The following XKR6 variants were observed in gnomAD, a reference collection of about 807,000 sequenced individuals.
XKR6 encodes XK related 6, also known as XK-related protein 6.
A neutral mutation model predicts 56.7 loss-of-function variants in XKR6; 22 were observed. That is an observed-to-expected ratio of 0.39 (90% confidence interval 0.28 to 0.55). The LOEUF is 0.55. Ranked by LOEUF, XKR6 falls within the 20% of genes least tolerant of loss-of-function variation. The probability of loss-of-function intolerance (pLI) is 0.66; values close to 1 mark genes in which losing one functional copy is unlikely to be tolerated. For missense variants in XKR6, 852 were observed against 889.0 expected (o/e 0.96, Z 0.53); for synonymous variants, 524 against 387.8 (o/e 1.35, Z -4.13).
At position 10,898,526 on chromosome 8, in the gene XKR6, G is replaced by A. The variant is rs1563276122; in HGVS notation, c.1352C>T (p.Thr451Ile). 1 of 1,614,052 alleles carries A rather than the reference G, an allele frequency of 6.2e-7. No individual in the cohort carries two copies. Among genetic ancestry groups the A allele is most frequent in the Admixed American group, 1.7e-5 (1 of 60,012 alleles). ...AAGGAACGTCAAGGCAGCATTCTCG[G>A]TCAAGACTATCGTATAATATGCAAA... ...RMFAYYTIVL[T>I]ENAALTFLWY... Residue 451 changes from threonine (T) to isoleucine (I), a missense_variant, in exon 3 of 3, where the codon ACC (threonine) becomes ATC (isoleucine). Thr to Ile is a moderately conservative substitution (Grantham distance 89, BLOSUM62 -1). Around this residue, in one of 4 missense-constraint regions of XKR6, gnomAD observed 197 missense variants for 190.9 expected, o/e 1.03. Coordinates refer to ENST00000416569, the MANE Select transcript of XKR6 (RefSeq NM_173683.4). This position sits in a 1 kb window ranked among gnomAD's most constrained non-coding sequence, Gnocchi z 6.6.
intron 1 of XKR6, among the ~76,000 whole-genome samples, chr8:11,160,636 G>A (rs184842945): frequency 6.3e-4 from 96 of 152,220 alleles, no homozygotes; most frequent in African/African-American, 2.1e-3. Context: ...CAGGCTGGGC[G>A]TGGTGGCTCA....
intron 1 of XKR6, among the ~76,000 whole-genome samples, chr8:10,954,326 T>C (rs181944132): frequency 3.9e-5 from 6 of 152,368 alleles, no homozygotes; most frequent in Non-Finnish European, 7.3e-5. Flanking sequence ...TTGTCAACAC[T>C]TGTTATTGTC....
At chr8:10,947,991 C>T (rs148856803) in intron 1 of XKR6, among the ~76,000 whole-genome samples, 68 of 152,244 alleles carry the variant, frequency 4.5e-4, no homozygotes, top group East Asian at 2.5e-3. Context: ...CTTTCAAAGT[C>T]GTGTAGCGAA....
chr8:11,039,972 A>C (rs1303375036), intron 1 of XKR6, among the ~76,000 whole-genome samples: 2 of 152,114 alleles, frequency 1.3e-5, no homozygotes, highest in Non-Finnish European at 2.9e-5. Context: ...TATTTATGCC[A>C]CCCGGCTGGG....
At chr8:10,962,848 C>G (rs913387934) in intron 1 of XKR6, among the ~76,000 whole-genome samples, 3 of 152,162 alleles carry the variant, frequency 2.0e-5, no homozygotes, top group African/African-American at 7.2e-5. Flanking sequence ...GTCTCGAACT[C>G]CTGACCTCAG....
chr8:11,045,383 T>A (rs1374714071), intron 1 of XKR6, among the ~76,000 whole-genome samples: 3 of 152,130 alleles, frequency 2.0e-5, no homozygotes, highest in African/African-American at 7.2e-5. Flanking sequence ...CCACTGTGCA[T>A]GGCCTCAAGC....
At chr8:11,034,936 C>T (rs73662680) in intron 1 of XKR6, among the ~76,000 whole-genome samples, 4,266 of 152,298 alleles carry the variant, frequency 0.028, 206 homozygotes, top group African/African-American at 0.097. Context: ...CTAGCCAAAC[C>T]CTGAGAGGCC....
chr8:11,118,423 G>A (rs1312556259), intron 1 of XKR6, among the ~76,000 whole-genome samples: 1 of 152,216 alleles, frequency 6.6e-6, no homozygotes, highest in African/African-American at 2.4e-5. Flanking sequence ...ATTCATCTGT[G>A]AAACCCTCTG....
At chr8:11,004,432 G>A (rs910833717) in intron 1 of XKR6, among the ~76,000 whole-genome samples, 6 of 152,194 alleles carry the variant, frequency 3.9e-5, no homozygotes, top group African/African-American at 7.2e-5. Context: ...AGATCATGAC[G>A]CCACTGCACT....
At chr8:11,116,560 G>A (rs537707616) in intron 1 of XKR6, among the ~76,000 whole-genome samples, 4 of 152,152 alleles carry the variant, frequency 2.6e-5, no homozygotes, top group Non-Finnish European at 4.4e-5. Context: ...TAGTAGAGAC[G>A]GGGTTTCTCC....
intron 1 of XKR6, among the ~76,000 whole-genome samples, chr8:11,052,777 T>A (rs1234498464): frequency 7.8e-6 from 1 of 128,002 alleles, no homozygotes; most frequent in Non-Finnish European, 1.6e-5. Flanking sequence ...AGCAGCACAC[T>A]CCGGGAAAGC....
chr8:11,096,434 C>T (rs1420054474), intron 1 of XKR6, among the ~76,000 whole-genome samples: 1 of 152,160 alleles, frequency 6.6e-6, no homozygotes, highest in Non-Finnish European at 1.5e-5. Context: ...TTTACAGTTT[C>T]CTTTAATTTC....
chr8:10,958,540 A>G (rs4434585), intron 1 of XKR6, among the ~76,000 whole-genome samples: 27,782 of 152,120 alleles, frequency 0.18, 3,389 homozygotes, highest in African/African-American at 0.35. Context: ...TCATCACCCG[A>G]GACATGGCAT....
intron 1 of XKR6, among the ~76,000 whole-genome samples, chr8:10,993,955 T>A (rs894334779): frequency 2.0e-5 from 3 of 152,224 alleles, no homozygotes; most frequent in African/African-American, 7.2e-5. Context: ...AGCAAACCTC[T>A]GTGCCCACCA....
At chr8:10,954,625 T>A (rs944187202) in intron 1 of XKR6, among the ~76,000 whole-genome samples, 1 of 152,218 alleles carries the variant, frequency 6.6e-6, no homozygotes, top group African/African-American at 2.4e-5. Context: ...ACTTTCCTGA[T>A]GGTGTCCTCT....
intron 1 of XKR6, among the ~76,000 whole-genome samples, chr8:11,091,789 G>A (rs915961839): frequency 6.6e-6 from 1 of 152,148 alleles, no homozygotes; most frequent in African/African-American, 2.4e-5. Context: ...AGCTCTGGTG[G>A]CCCCAAATCC....
intron 1 of XKR6, among the ~76,000 whole-genome samples, chr8:11,019,180 C>A (rs1352247919): frequency 6.6e-6 from 1 of 152,222 alleles, no homozygotes; most frequent in African/African-American, 2.4e-5. Flanking sequence ...CACTCACTTT[C>A]CTATCCCTTC....
chr8:10,937,392 C>A (rs1801236770), intron 1 of XKR6, among the ~76,000 whole-genome samples: 1 of 151,484 alleles, frequency 6.6e-6, no homozygotes, highest in East Asian at 1.9e-4. Context: ...AAGCCTTCTT[C>A]TCTCAGCTTG....
chr8:11,035,212 T>C, intron 1 of XKR6: 1 of 534,502 alleles, frequency 1.9e-6, no homozygotes, highest in South Asian at 1.4e-5. Flanking sequence ...GCTGCTCGGA[T>C]GATGATGATG....
Sources: gnomAD v4.1 joint callset for allele counts (sites outside exome capture counted in the v4.1 genomes callset) on GRCh38, gnomAD v4.1.1 for gene constraint, gnomAD v4.1.1 regional missense constraint, Gnocchi (gnomAD v3.1) non-coding constraint, MANE v1.5 for transcripts, NCBI Gene and HGNC (gene_info 2026-07-23, HGNC 2026-07-21) for gene names.